The following NBN variants were observed in gnomAD, a reference collection of about 807,000 sequenced individuals.
NBN encodes Nijmegen breakage syndrome 1 (nibrin).
In NBN, 88 loss-of-function variants were observed where a neutral mutation model predicts 90.8. That is an observed-to-expected ratio of 0.97 (90% CI 0.82 to 1.16). The LOEUF (loss-of-function observed/expected upper bound fraction) is 1.16. Among genes scored for constraint, NBN ranks in the 50% most tolerant of loss-of-function variants. NBN has a pLI of 0.00. For synonymous variants in NBN, 328 were observed against 295.1 expected (o/e 1.11, Z -1.14); for missense variants, 894 against 869.6 (o/e 1.03, Z -0.35).
At chr8:89,966,539 G>T (rs1422565057) in intron 7 of NBN, among the ~76,000 whole-genome samples, 1 of 152,162 alleles carries the variant, frequency 6.6e-6, no homozygotes, top group East Asian at 1.9e-4. Flanking sequence ...TCTATTAAGA[G>T]ATTTCAAGCA....
intron 8 of NBN, among the ~76,000 whole-genome samples, chr8:89,962,009 A>G (rs1439426893): frequency 6.6e-6 from 1 of 152,152 alleles, no homozygotes; most frequent in African/African-American, 2.4e-5. Flanking sequence ...AAAATGGAAA[A>G]GGAAGAATAA....
In NBN at chr8:89,934,373, T is replaced by G. The variant is rs1063054; in HGVS notation, c.*1209A>C. 75,068 of 232,660 alleles carry G rather than the reference T, an allele frequency of 0.32. 12,135 individuals carry two copies. The highest frequency in any genetic ancestry group is 0.41 in the East Asian group (6,747 of 16,532). The allele number at this position is 232,660 out of a possible 1,614,324, so 14.4% of individuals were successfully genotyped here. A position where few individuals can be genotyped will look rare whatever the true frequency, so the allele number is the denominator to read the frequency against. On this transcript the variant is annotated 3_prime_UTR_variant, in exon 16 of 16. Coordinates refer to ENST00000265433, the MANE Select transcript of NBN (RefSeq NM_002485.5). ...GAAATTGCAGATTGGCTCACCCAAT[T>G]TCTGTTCCCTAGGAAGGCTGAGAAG...
chr8:89,970,426 T>C lies in NBN; in HGVS notation c.834A>G (p.Ser278=). 1 of 1,612,934 alleles carries C rather than the reference T, an allele frequency of 6.2e-7. No individual in the cohort carries two copies. The highest frequency in any genetic ancestry group is 8.5e-7 in the Non-Finnish European group (1 of 1,179,000). ...TCVVDTGITN[S]QTLIPDCQKK... is the part of the protein sequence containing the mutation. ...TCTGACAGTCAGGAATTAAGGTCTG[T>C]GAGTTTGTTATTCCTGTATCAACAA... Residue 278 remains serine (S), a synonymous_variant, in exon 7 of 16, where the codon TCA becomes TCG. Coordinates refer to ENST00000265433, the MANE Select transcript of NBN (RefSeq NM_002485.5).
intron 14 of NBN, among the ~76,000 whole-genome samples, chr8:89,937,866 C>T (rs1409845220): frequency 1.3e-5 from 2 of 152,200 alleles, no homozygotes; most frequent in African/African-American, 4.8e-5. Context: ...AGAATCATCT[C>T]CTAATAAATA....
chr8:89,975,349 C>T (rs1385543268), intron 5 of NBN, among the ~76,000 whole-genome samples: 8 of 152,110 alleles, frequency 5.3e-5, no homozygotes, highest in Non-Finnish European at 7.4e-5. Flanking sequence ...TAATCAAAGG[C>T]GTCACCACAA....
chr8:89,939,046 C>G (rs1809816765), intron 14 of NBN, among the ~76,000 whole-genome samples: 1 of 152,144 alleles, frequency 6.6e-6, no homozygotes, highest in South Asian at 2.1e-4. Flanking sequence ...CTACTACTCA[C>G]AGTCTTTCAA....
intron 7 of NBN, among the ~76,000 whole-genome samples, chr8:89,969,368 T>C (rs1043544029): frequency 6.6e-6 from 1 of 152,262 alleles, no homozygotes; most frequent in Non-Finnish European, 1.5e-5. Context: ...GGAATGTTTA[T>C]ATGTCTTTCT....
At chr8:89,949,579 C>T (rs1054786922) in intron 11 of NBN, among the ~76,000 whole-genome samples, 2 of 152,208 alleles carry the variant, frequency 1.3e-5, no homozygotes, top group South Asian at 2.1e-4. Context: ...AGCTATCATT[C>T]GTATAAGGAT....
intron 8 of NBN, among the ~76,000 whole-genome samples, chr8:89,960,928 A>G (rs1021735538): frequency 3.9e-5 from 6 of 152,224 alleles, no homozygotes; most frequent in Non-Finnish European, 8.8e-5. Context: ...CTATAAAATT[A>G]TTTTATTATC....
At chr8:89,944,856 C>A (rs1258334943) in intron 13 of NBN, among the ~76,000 whole-genome samples, 2 of 152,180 alleles carry the variant, frequency 1.3e-5, no homozygotes, top group Admixed American at 1.3e-4. Context: ...GCTGACATTA[C>A]AGGTGTGAGC....
At chr8:89,971,381 A>C in intron 5 of NBN, 91 bp from the exon 6 acceptor site, 1 of 1,359,504 alleles carries the variant, frequency 7.4e-7, no homozygotes, top group East Asian at 2.7e-5. Flanking sequence ...CTCAAAAGGC[A>C]TAATTTCCAT....
intron 10 of NBN, among the ~76,000 whole-genome samples, chr8:89,954,019 A>T (rs1008522903): frequency 6.6e-6 from 1 of 152,146 alleles, no homozygotes; most frequent in African/African-American, 2.4e-5. Context: ...AGAGACAGCA[A>T]CTTACTTTAT....
At chr8:89,953,180 C>G in intron 11 of NBN, 64 bp downstream of exon 11, 1 of 1,200,046 alleles carries the variant, frequency 8.3e-7, no homozygotes, top group South Asian at 1.2e-5. Context: ...AATACAAAAT[C>G]GAAAGTACCT....
At chr8:89,961,640 T>C (rs1483461967) in intron 8 of NBN, among the ~76,000 whole-genome samples, 2 of 152,148 alleles carry the variant, frequency 1.3e-5, no homozygotes, top group African/African-American at 2.4e-5. Flanking sequence ...ATAAAAAATA[T>C]GGCACACATA....
rs1377422523 is a variant in NBN at position 89,933,741 on chromosome 8, T to G, written c.*1841A>C. On this transcript the variant is annotated 3_prime_UTR_variant, in exon 16 of 16. Transcript: ENST00000265433. ...TATCAAACAAAAGAAAAAAATAAATTTGACCTTGTCAAAATTTAAAACTTC... is the reference window on the plus strand; with the variant it reads ...TATCAAACAAAAGAAAAAAATAAATGTGACCTTGTCAAAATTTAAAACTTC... 4.3e-6 allele frequency: 1 copy of G among 232,414 alleles called. No individual in the cohort carries two copies. The highest frequency in any genetic ancestry group is 6.1e-5 in the East Asian group (1 of 16,380). 14.4% of individuals were successfully genotyped at this position (232,414 alleles called of 1,614,324 possible). A position where few individuals can be genotyped will look rare whatever the true frequency, so the allele number is the denominator to read the frequency against.
At chr8:89,976,668 C>T (rs1811774065) in intron 5 of NBN, among the ~76,000 whole-genome samples, 1 of 152,160 alleles carries the variant, frequency 6.6e-6, no homozygotes, top group African/African-American at 2.4e-5. Context: ...GGCCCAGCCC[C>T]CTAGCTCACT....
In NBN at chr8:89,935,525, GC is replaced by G. The variant is rs1809628964; in HGVS notation, c.*56del. Reference sequence around the variant, plus strand: ...ACTATATATTCATATAACCTTGTTGGCCTGAAGTAGATGCTTACTAGGAAGT... The same window carrying G: ...ACTATATATTCATATAACCTTGTTGGCTGAAGTAGATGCTTACTAGGAAGT... On this transcript the variant is annotated 3_prime_UTR_variant, in exon 16 of 16. Coordinates refer to ENST00000265433, the MANE Select transcript of NBN (RefSeq NM_002485.5). The G allele has an allele frequency of 6.2e-7, 1 of 1,602,460 alleles. No homozygotes were observed. The highest frequency in any genetic ancestry group is 8.5e-7 in the Non-Finnish European group (1 of 1,171,106).
At chr8:89,973,828 C>T (rs954557996) in intron 5 of NBN, among the ~76,000 whole-genome samples, 1 of 152,126 alleles carries the variant, frequency 6.6e-6, no homozygotes, top group Non-Finnish European at 1.5e-5. Flanking sequence ...TATAACGATA[C>T]TACAAATATA....
At chr8:89,982,351 T>G (rs1812110423) in intron 2 of NBN, 1 of 315,498 alleles carries the variant, frequency 3.2e-6, no homozygotes, top group South Asian at 2.9e-5. Context: ...ATTCGCAGGG[T>G]TGGCACAGTT....
Sources: allele counts gnomAD v4.1 joint callset (sites outside exome capture counted in the v4.1 genomes callset), GRCh38; gene constraint gnomAD v4.1.1; transcripts MANE v1.5; gene names NCBI Gene and HGNC (gene_info 2026-07-23, HGNC 2026-07-21).